The following OR10H5 variants were observed in gnomAD, a reference collection of about 807,000 sequenced individuals.
OR10H5 encodes the protein olfactory receptor 10H5.
A neutral mutation model predicts 12.2 loss-of-function variants in OR10H5; 7 were observed. The ratio of observed to expected loss-of-function variants is 0.57; its 90% confidence interval spans 0.33 to 1.07. OR10H5 has a LOEUF of 1.07. Among genes scored for constraint, OR10H5 ranks in the 50% least tolerant of loss-of-function variants. The pLI is 0.04. For missense variants in OR10H5, 346 were observed against 411.6 expected, an observed-to-expected ratio of 0.84 and a Z score of 1.38; for synonymous variants, 159 against 175.1, an observed-to-expected ratio of 0.91 and a Z score of 0.73.
chr19:15,793,788 A>G (rs2088820309), intron 1 of OR10H5, among the ~76,000 whole-genome samples: 1 of 152,172 alleles, frequency 6.6e-6, no homozygotes. Context: ...CTGAGGCAGG[A>G]GAATCACTTG....
At chr19:15,790,638 T>A (rs1349658364) in intron 1 of OR10H5, among the ~76,000 whole-genome samples, 1 of 150,774 alleles carries the variant, frequency 6.6e-6, no homozygotes, top group African/African-American at 2.4e-5. Context: ...GGGGAGGGAG[T>A]GAGGCTCAGA....
In OR10H5 at chr19:15,794,020, C is replaced by A. The variant is rs1194940847; in HGVS notation, c.-11-18C>A. 1 of 1,587,260 alleles carries A rather than the reference C, an allele frequency of 6.3e-7. No individual in the cohort carries two copies. Among genetic ancestry groups the A allele is most frequent in the Non-Finnish European group, 8.6e-7 (1 of 1,164,362 alleles). On this transcript the variant is annotated intron_variant, in intron 1 of 1. Coordinates refer to ENST00000642092, the MANE Select transcript of OR10H5 (RefSeq NM_001004466.2). ...TGCTCCTAACCACTGGGTCTTCTTT[C>A]CTCTCTCCACCAACTAGGGGTGGCC...
At chr19:15,793,815 G>A in intron 1 of OR10H5, 1 of 487,178 alleles carries the variant, frequency 2.1e-6, no homozygotes, top group Non-Finnish European at 3.7e-6. Context: ...GGAGGCAGAG[G>A]TTGCAGTGAG....
At chr19:15,789,941 C>A (rs1358620085) in intron 1 of OR10H5, among the ~76,000 whole-genome samples, 1 of 151,964 alleles carries the variant, frequency 6.6e-6, no homozygotes, top group African/African-American at 2.4e-5. Context: ...ATCACCACGC[C>A]TGGCTAATTT....
intron 1 of OR10H5, among the ~76,000 whole-genome samples, chr19:15,791,121 A>G (rs910949420): frequency 6.6e-6 from 1 of 152,142 alleles, no homozygotes; most frequent in Non-Finnish European, 1.5e-5. Flanking sequence ...CGAGGCAGGC[A>G]GATCACTTGA....
At chr19:15,790,678 G>A (rs2088805886) in intron 1 of OR10H5, among the ~76,000 whole-genome samples, 2 of 152,102 alleles carry the variant, frequency 1.3e-5, no homozygotes, top group African/African-American at 4.8e-5. Flanking sequence ...GAGGGATGAA[G>A]AAGAGGAGGG....
Position 15,795,134 on chromosome 19 carries a change from C to T in OR10H5, c.*138C>T, listed in dbSNP as rs2088833625. ...TCTTTCCTTCCTCCCTCCCTCCTTT[C>T]CTCCCTCCTTCTCTGACCTACAGTC... On this transcript the variant is annotated 3_prime_UTR_variant, in exon 2 of 2. Coordinates refer to ENST00000642092, the MANE Select transcript of OR10H5 (RefSeq NM_001004466.2). The T allele has an allele frequency of 2.8e-6, 2 of 716,386 alleles. No homozygotes were observed. The highest frequency in any genetic ancestry group is 4.4e-6 in the Non-Finnish European group (2 of 457,132). The allele number at this position is 716,386 out of a possible 1,614,324, so 44.4% of individuals were successfully genotyped here.
At position 15,798,915 on chromosome 19, in the gene OR10H5, C is replaced by A. The variant is rs2088854050; in HGVS notation, c.*3919C>A. The A allele has an allele frequency of 6.6e-6, 1 of 152,122 alleles. No homozygotes were observed. Among genetic ancestry groups the A allele is most frequent in the African/African-American group, 2.4e-5 (1 of 41,428 alleles). 9.4% of individuals were successfully genotyped at this position (152,122 alleles called of 1,614,324 possible). A position where few individuals can be genotyped will look rare whatever the true frequency, so the allele number is the denominator to read the frequency against. On this transcript the variant is annotated 3_prime_UTR_variant, in exon 2 of 2. Coordinates refer to ENST00000642092, the MANE Select transcript of OR10H5 (RefSeq NM_001004466.2). ...GGGATTGCAGGCACATGCCACCACA[C>A]CCAACTATTTTTTGTATTTTTAGTA...
intron 1 of OR10H5, among the ~76,000 whole-genome samples, chr19:15,790,638 T>TG (rs1374812368): frequency 6.6e-6 from 1 of 150,774 alleles, no homozygotes; most frequent in Non-Finnish European, 1.5e-5. Flanking sequence ...GGGGAGGGAG[T>TG]GAGGCTCAGA....
Position 15,795,931 on chromosome 19 carries a change from A to T in OR10H5, c.*935A>T, listed in dbSNP as rs1446225148. On this transcript the variant is annotated 3_prime_UTR_variant, in exon 2 of 2. Coordinates refer to ENST00000642092, the MANE Select transcript of OR10H5 (RefSeq NM_001004466.2). ...GCTAGCACTGCAGATGCATGCCACC[A>T]CAAGGGTAACTTTGTATTTTTTGTA... 6.6e-6 allele frequency: 1 copy of T among 152,108 alleles called. No homozygotes were observed. The highest frequency in any genetic ancestry group is 1.5e-5 in the Non-Finnish European group (1 of 68,070). 9.4% of individuals were successfully genotyped at this position (152,108 alleles called of 1,614,324 possible).
rs2088794863 is a variant in OR10H5, at chr19:15,788,577, C to T, written c.-12+861C>T. ...GCAGTGGCACGATCACAGCTCACTG[C>T]AGCCTCGACCTCCCAGGCTCAACTG... On this transcript the variant is annotated intron_variant, in intron 1 of 1. Transcript: ENST00000642092. 2.0e-5 allele frequency among the ~76,000 whole-genome samples: 3 copies of T among 152,178 alleles called. No individual in the cohort carries two copies. The South Asian group carries it at 6.2e-4, about 32-fold the overall frequency.
Position 15,797,669 on chromosome 19 carries a change from G to C in OR10H5, c.*2673G>C, listed in dbSNP as rs2088847202. ...GGCCAGGTCAGGGTGAGGTGAGGGAGACACCTCACCTCCTTTAAACATTAT... is the reference window on the plus strand; with the variant it reads ...GGCCAGGTCAGGGTGAGGTGAGGGACACACCTCACCTCCTTTAAACATTAT... On this transcript the variant is annotated 3_prime_UTR_variant, in exon 2 of 2. Transcript: ENST00000642092. 6.6e-6 allele frequency: 1 copy of C among 152,114 alleles called. No homozygotes were observed. Among genetic ancestry groups the C allele is most frequent in the Non-Finnish European group, 1.5e-5 (1 of 68,026 alleles). The allele number at this position is 152,114 out of a possible 1,614,324, so 9.4% of individuals were successfully genotyped here.
At chr19:15,790,911 C>T (rs189416541) in intron 1 of OR10H5, among the ~76,000 whole-genome samples, 59 of 152,208 alleles carry the variant, frequency 3.9e-4, no homozygotes, top group Non-Finnish European at 5.6e-4. Flanking sequence ...TGGGGTGAAC[C>T]AGGTCCCAGG....
chr19:15,793,308 TG>T (rs1241737745), intron 1 of OR10H5, among the ~76,000 whole-genome samples: 1 of 152,018 alleles, frequency 6.6e-6, no homozygotes, highest in African/African-American at 2.4e-5. Context: ...TTCGTAGACA[TG>T]GGGGTCTTGC....
rs1167873630 is a variant in OR10H5, at chr19:15,794,839, A to G, written c.791A>G (p.Lys264Arg). Residue 264 changes from lysine to arginine, a missense_variant, in exon 2 of 2, where the codon AAA (lysine) becomes AGA (arginine). By Grantham distance (26) the Lys-to-Arg change is conservative (BLOSUM62 2). Coordinates refer to ENST00000642092, the MANE Select transcript of OR10H5 (RefSeq NM_001004466.2). ...GFASVIYLKP[K>R]GPQSPEGDTL... ...GCCTCCGTCATTTACCTGAAGCCCA[A>G]AGGTCCCCAGTCTCCGGAAGGAGAC... 3 of 1,614,024 alleles carry G rather than the reference A, an allele frequency of 1.9e-6. No homozygotes were observed. The highest frequency in any genetic ancestry group is 2.2e-5 in the East Asian group (1 of 44,874).
At position 15,795,026 on chromosome 19, in the gene OR10H5, C is replaced by A. The variant is rs773721455; in HGVS notation, c.*30C>A. 5 of 1,585,782 alleles carry A rather than the reference C, an allele frequency of 3.2e-6. No homozygotes were observed. The highest frequency in any genetic ancestry group is 4.3e-6 in the Non-Finnish European group (5 of 1,159,036). On this transcript the variant is annotated 3_prime_UTR_variant, in exon 2 of 2. Coordinates refer to ENST00000642092, the MANE Select transcript of OR10H5 (RefSeq NM_001004466.2). ...GCTGACTTTCTCTCAAGAGATGTAG[C>A]GAATGGGAACACTTTAGTCTTCCTC...
Position 15,797,672 on chromosome 19 carries a change from ACCTCACCT to A in OR10H5, c.*2680_*2687del, listed in dbSNP as rs1477136089. 1 of 151,998 alleles carries A rather than the reference ACCTCACCT, an allele frequency of 6.6e-6. No homozygotes were observed. The highest frequency in any genetic ancestry group is 2.4e-5 in the African/African-American group (1 of 41,384). 9.4% of individuals were successfully genotyped at this position (151,998 alleles called of 1,614,324 possible). On this transcript the variant is annotated 3_prime_UTR_variant, in exon 2 of 2. Coordinates refer to ENST00000642092, the MANE Select transcript of OR10H5 (RefSeq NM_001004466.2). The stretch of plus-strand genomic sequence containing the variant: ...CAGGTCAGGGTGAGGTGAGGGAGAC[ACCTCACCT>A]CCTTTAAACATTATTTAAAATGTTG...
chr19:15,794,120 G>C lies in OR10H5; in HGVS notation c.72G>C (p.Gln24His). 1 of 1,614,064 alleles carries C rather than the reference G, an allele frequency of 6.2e-7. No individual in the cohort carries two copies. Among genetic ancestry groups the C allele is most frequent in the Non-Finnish European group, 8.5e-7 (1 of 1,180,010 alleles). Residue 24 changes from glutamine (Q) to histidine (H), a missense_variant, in exon 2 of 2, where the codon CAG becomes CAC. By Grantham distance (24) the Gln-to-His change is conservative (BLOSUM62 0). Coordinates refer to ENST00000642092, the MANE Select transcript of OR10H5 (RefSeq NM_001004466.2). ...GCTTCTCTGCCTTCCCCCACCTCCAGCTGATGCTCTTCCTGCTGTTCCTGC... is the reference window on the plus strand; with the variant it reads ...GCTTCTCTGCCTTCCCCCACCTCCACCTGATGCTCTTCCTGCTGTTCCTGC... ...LVGFSAFPHL[Q>H]LMLFLLFLLM...
intron 1 of OR10H5, among the ~76,000 whole-genome samples, chr19:15,792,984 C>T (rs774624749): frequency 6.6e-6 from 1 of 151,920 alleles, no homozygotes; most frequent in Admixed American, 6.6e-5. Flanking sequence ...TAGAGACCAC[C>T]GAGATTTAAA....
Sources: gnomAD v4.1 joint callset for allele counts (sites outside exome capture counted in the v4.1 genomes callset) on GRCh38, gnomAD v4.1.1 for gene constraint, MANE v1.5 for transcripts, NCBI Gene and HGNC (gene_info 2026-07-23, HGNC 2026-07-21) for gene names.